The following KCNK12 variants were observed in gnomAD, a reference collection of about 807,000 sequenced individuals.
KCNK12 encodes potassium channel subfamily K member 12.
A neutral mutation model predicts 25.3 loss-of-function variants in KCNK12; 6 were observed. The ratio of observed to expected loss-of-function variants is 0.24; its 90% CI spans 0.13 to 0.47. The LOEUF (loss-of-function observed/expected upper bound fraction) is 0.47. Ranked by LOEUF, KCNK12 falls within the 20% of genes least tolerant of loss-of-function variation. KCNK12 has a pLI of 0.99. For synonymous variants in KCNK12, 331 were observed against 311.1 expected (o/e 1.06, Z -0.67); for missense variants, 444 against 661.7 (o/e 0.67, Z 3.61).
chr2:47,524,484 C>T (rs929521590), intron 1 of KCNK12, among the ~76,000 whole-genome samples: 2 of 152,188 alleles, frequency 1.3e-5, no homozygotes, highest in Non-Finnish European at 2.9e-5. Flanking sequence ...ATTCCATTAA[C>T]ATAAAATTCA....
intron 1 of KCNK12, among the ~76,000 whole-genome samples, chr2:47,553,674 T>C (rs1222354475): frequency 6.6e-6 from 1 of 152,216 alleles, no homozygotes; most frequent in African/African-American, 2.4e-5. Context: ...CATGATCACA[T>C]TACACCCCTG....
At chr2:47,536,578 T>G (rs1669073794) in intron 1 of KCNK12, among the ~76,000 whole-genome samples, 1 of 152,206 alleles carries the variant, frequency 6.6e-6, no homozygotes, top group Non-Finnish European at 1.5e-5. Flanking sequence ...AAGACTATGG[T>G]GAATAAGATT....
At chr2:47,536,670 C>G (rs1294645675) in intron 1 of KCNK12, among the ~76,000 whole-genome samples, 1 of 152,182 alleles carries the variant, frequency 6.6e-6, no homozygotes, top group Non-Finnish European at 1.5e-5. Context: ...GCTTGGCCAC[C>G]ATGGATTCTG....
Position 47,556,279 on chromosome 2 carries a change from G to C in KCNK12, c.391+13662C>G, listed in dbSNP as rs912166499. Among the ~76,000 whole-genome samples the C allele has an allele frequency of 2.6e-5, 4 of 152,224 alleles. No individual in the cohort carries two copies. The highest frequency in any genetic ancestry group is 5.9e-5 in the Non-Finnish European group (4 of 68,042). ...AGAGGAAGTGAGACCCAGTGAAGCTGGCATTTGTAAGTGGGCACTTCATCC... is the reference window on the plus strand; with the variant it reads ...AGAGGAAGTGAGACCCAGTGAAGCTCGCATTTGTAAGTGGGCACTTCATCC... On this transcript the variant is annotated intron_variant, in intron 1 of 1. Transcript: ENST00000327876. This position sits in a 1 kb window ranked among gnomAD's most constrained non-coding sequence, Gnocchi z 4.8.
At position 47,555,886 on chromosome 2, in the gene KCNK12, G is replaced by C. The variant is rs1396815106; in HGVS notation, c.391+14055C>G. On this transcript the variant is annotated intron_variant, in intron 1 of 1. Transcript: ENST00000327876. The surrounding 1 kb of genome is among the most constrained non-coding windows in gnomAD (Gnocchi z 4.5). ...CAGCATGATGTTCTGGAAGCCAAGA[G>C]AAAAGAGGAGTTTGAGGATAAATGG... The C allele has an allele frequency of 1.3e-5, 2 of 152,290 alleles. No individual in the cohort carries two copies. The highest frequency in any genetic ancestry group is 2.9e-5 in the Non-Finnish European group (2 of 68,088). The allele number at this position is 152,290 out of a possible 1,614,324, so 9.4% of individuals were successfully genotyped here. A position where few individuals can be genotyped will look rare whatever the true frequency, so the allele number is the denominator to read the frequency against.
rs1668972450 is a variant in KCNK12, at chr2:47,533,106, G to A, written c.392-11298C>T. Among the ~76,000 whole-genome samples the A allele has an allele frequency of 6.6e-6, 1 of 152,132 alleles. No individual in the cohort carries two copies. Among genetic ancestry groups the A allele is most frequent in the Admixed American group, 6.5e-5 (1 of 15,274 alleles). Reference sequence around the variant, plus strand: ...GCTCACTGCAACCTCCACCTCCCAGGTTCAAGCCATTCTCCTGCCACAGCC... The same window carrying A: ...GCTCACTGCAACCTCCACCTCCCAGATTCAAGCCATTCTCCTGCCACAGCC... On this transcript the variant is annotated intron_variant, in intron 1 of 1. Transcript: ENST00000327876. The surrounding 1 kb of genome is among the most constrained non-coding windows in gnomAD (Gnocchi z 4.7).
chr2:47,523,123 A>G (rs1668696923), intron 1 of KCNK12, among the ~76,000 whole-genome samples: 1 of 152,194 alleles, frequency 6.6e-6, no homozygotes, highest in Admixed American at 6.5e-5. Context: ...TTTAAATGTA[A>G]CCTGTAGTAC....
chr2:47,542,586 G>T (rs1039228504), intron 1 of KCNK12, among the ~76,000 whole-genome samples: 3 of 152,202 alleles, frequency 2.0e-5, no homozygotes, highest in Admixed American at 1.3e-4. Context: ...CTGGGGTCCT[G>T]CAGCCAGGTT....
chr2:47,568,314 A>C (rs1669822689), intron 1 of KCNK12, among the ~76,000 whole-genome samples: 1 of 152,102 alleles, frequency 6.6e-6, no homozygotes, highest in South Asian at 2.1e-4. Flanking sequence ...CTTAAAAAAA[A>C]AAAAACTCTA....
At chr2:47,522,581 T>A (rs1573622924) in intron 1 of KCNK12, among the ~76,000 whole-genome samples, 2 of 152,236 alleles carry the variant, frequency 1.3e-5, no homozygotes, top group South Asian at 4.1e-4. Flanking sequence ...GCTCAAGTGA[T>A]CCTTCCACCT....
At position 47,548,525 on chromosome 2, in the gene KCNK12, T is replaced by C. The variant is rs1669360260; in HGVS notation, c.391+21416A>G. ...AGTCTTAGAGCCCTTTTTTATTCTT[T>C]TGCTTTCTCTCACACCCTACATCTG... On this transcript the variant is annotated intron_variant, in intron 1 of 1. Transcript: ENST00000327876. This position sits in a 1 kb window ranked among gnomAD's most constrained non-coding sequence, Gnocchi z 4.4. 6.6e-6 allele frequency among the ~76,000 whole-genome samples: 1 copy of C among 152,198 alleles called. No homozygotes were observed. The highest frequency in any genetic ancestry group is 2.4e-5 in the African/African-American group (1 of 41,432).
chr2:47,525,072 A>G lies in KCNK12; in HGVS notation c.392-3264T>C, dbSNP rs1017422591. Among the ~76,000 whole-genome samples, 1 of 152,246 alleles carries G rather than the reference A, an allele frequency of 6.6e-6. No homozygotes were observed. Among genetic ancestry groups the G allele is most frequent in the Admixed American group, 6.5e-5 (1 of 15,286 alleles). ...AAATACTGAATTGGATTTTTCAGCT[A>G]AAGCCTCAAAGCTGAGAACAGTATG... On this transcript the variant is annotated intron_variant, in intron 1 of 1. Coordinates refer to ENST00000327876, the MANE Select transcript of KCNK12 (RefSeq NM_022055.2). This position sits in a 1 kb window ranked among gnomAD's most constrained non-coding sequence, Gnocchi z 4.1.
At position 47,516,051 on chromosome 2, in the gene KCNK12, C is replaced by T. The variant is rs868080290; in HGVS notation, c.*4856G>A. 6.6e-6 allele frequency among the ~76,000 whole-genome samples: 1 copy of T among 152,142 alleles called. No individual in the cohort carries two copies. The highest frequency in any genetic ancestry group is 1.5e-5 in the Non-Finnish European group (1 of 68,028). ...GGAGGTGGGGGGATGGTATCATCAT[C>T]CCACTTTAGAGATGAGGAAACAGGA... On this transcript the variant is annotated 3_prime_UTR_variant, in exon 2 of 2. Coordinates refer to ENST00000327876, the MANE Select transcript of KCNK12 (RefSeq NM_022055.2).
Position 47,517,797 on chromosome 2 carries a change from T to A in KCNK12, c.*3110A>T, listed in dbSNP as rs1404341649. On this transcript the variant is annotated 3_prime_UTR_variant, in exon 2 of 2. Coordinates refer to ENST00000327876, the MANE Select transcript of KCNK12 (RefSeq NM_022055.2). The surrounding 1 kb of genome is among the most constrained non-coding windows in gnomAD (Gnocchi z 4.1). Reference sequence around the variant, plus strand: ...TGGCTTCTTTACCTTTCTCCTCAGCTCTGAGAAGGCTGCTAGCCAAGACTC... The same window carrying A: ...TGGCTTCTTTACCTTTCTCCTCAGCACTGAGAAGGCTGCTAGCCAAGACTC... 6.6e-6 allele frequency: 1 copy of A among 152,094 alleles called. No individual in the cohort carries two copies. Among genetic ancestry groups the A allele is most frequent in the Non-Finnish European group, 1.5e-5 (1 of 68,044 alleles). 9.4% of individuals were successfully genotyped at this position (152,094 alleles called of 1,614,324 possible).
In KCNK12 at chr2:47,520,554, G is replaced by A. The variant is rs1195403566; in HGVS notation, c.*353C>T. ...ACGAAAAGTTGCACCATATGCTTTG[G>A]GGTTGCCGGCTGCTTCTGTGCATGG... On this transcript the variant is annotated 3_prime_UTR_variant, in exon 2 of 2. Transcript: ENST00000327876. The surrounding 1 kb of genome is among the most constrained non-coding windows in gnomAD (Gnocchi z 5.0). The A allele has an allele frequency of 1.5e-5, 3 of 205,862 alleles. No homozygotes were observed. The highest frequency in any genetic ancestry group is 6.0e-5 in the Admixed American group (1 of 16,760). 12.8% of individuals were successfully genotyped at this position (205,862 alleles called of 1,614,324 possible).
In KCNK12 at chr2:47,565,135, C is replaced by T. The variant is rs1669764928; in HGVS notation, c.391+4806G>A. On this transcript the variant is annotated intron_variant, in intron 1 of 1. Transcript: ENST00000327876. The surrounding 1 kb of genome is among the most constrained non-coding windows in gnomAD (Gnocchi z 5.0). ...TAAGCTGTGTTTGCACCACTGTACTCCAGCCTGGGCAATGGAGTAAGACTG... is the reference window on the plus strand; with the variant it reads ...TAAGCTGTGTTTGCACCACTGTACTTCAGCCTGGGCAATGGAGTAAGACTG... 6.6e-6 allele frequency: 1 copy of T among 151,930 alleles called. No homozygotes were observed. The highest frequency in any genetic ancestry group is 2.1e-4 in the South Asian group (1 of 4,796). 9.4% of individuals were successfully genotyped at this position (151,930 alleles called of 1,614,324 possible). A position where few individuals can be genotyped will look rare whatever the true frequency, so the allele number is the denominator to read the frequency against.
At chr2:47,539,925 T>C (rs2104809888) in intron 1 of KCNK12, among the ~76,000 whole-genome samples, 1 of 152,324 alleles carries the variant, frequency 6.6e-6, no homozygotes, top group East Asian at 1.9e-4. Flanking sequence ...GTACAGTGGC[T>C]AAATCACAAG....
rs1669566768 is a variant in KCNK12 at position 47,557,160 on chromosome 2, T to C, written c.391+12781A>G. On this transcript the variant is annotated intron_variant, in intron 1 of 1. Transcript: ENST00000327876. The surrounding 1 kb of genome is among the most constrained non-coding windows in gnomAD (Gnocchi z 4.9). The stretch of plus-strand genomic sequence containing the variant: ...CTCCAAAACTTACGTTGAAATCCAA[T>C]GGCTATTGTAAGACTTTTAAGAGGT... Among the ~76,000 whole-genome samples the C allele has an allele frequency of 6.6e-6, 1 of 152,216 alleles. No individual in the cohort carries two copies. Among genetic ancestry groups the C allele is most frequent in the Non-Finnish European group, 1.5e-5 (1 of 68,024 alleles).
Position 47,529,311 on chromosome 2 carries a change from TC to T in KCNK12, c.392-7504del, listed in dbSNP as rs1668867711. On this transcript the variant is annotated intron_variant, in intron 1 of 1. Coordinates refer to ENST00000327876, the MANE Select transcript of KCNK12 (RefSeq NM_022055.2). This position sits in a 1 kb window ranked among gnomAD's most constrained non-coding sequence, Gnocchi z 4.3. ...CCCGCTCAGAGGTTTATTTAGTGGG[TC>T]AGAAAATGGGCCCAGGAATTTCATT... is the stretch of plus-strand genomic sequence containing the variant. 1 of 152,112 alleles carries T rather than the reference TC, an allele frequency of 6.6e-6. No individual in the cohort carries two copies. The highest frequency in any genetic ancestry group is 1.5e-5 in the Non-Finnish European group (1 of 68,012). 9.4% of individuals were successfully genotyped at this position (152,112 alleles called of 1,614,324 possible). A position where few individuals can be genotyped will look rare whatever the true frequency, so the allele number is the denominator to read the frequency against.
Sources: gnomAD v4.1 joint callset for allele counts (sites outside exome capture counted in the v4.1 genomes callset) on GRCh38, gnomAD v4.1.1 for gene constraint, Gnocchi (gnomAD v3.1) non-coding constraint, MANE v1.5 for transcripts, NCBI Gene and HGNC (gene_info 2026-07-23, HGNC 2026-07-21) for gene names.